KDM5C: variants seen among roughly 807,000 people sequenced by gnomAD.
KDM5C encodes lysine demethylase 5C.
A neutral mutation model predicts 110.6 loss-of-function variants in KDM5C; 16 were observed. The ratio of observed to expected loss-of-function variants is 0.14; its 90% CI spans 0.10 to 0.22. KDM5C has a LOEUF of 0.22. Ranked by LOEUF, KDM5C falls within the 10% of genes least tolerant of loss-of-function variation. The pLI is 1.00. For synonymous variants in KDM5C, 511 were observed against 520.4 expected, an observed-to-expected ratio of 0.98 and a Z score of 0.24; for missense variants, 681 against 1,300.9, an observed-to-expected ratio of 0.52 and a Z score of 7.33.
At chrX:53,218,521 C>T (rs1556853197) in intron 2 of KDM5C, 123 bp from the exon 3 acceptor site, 1 of 823,353 alleles carries the variant, frequency 1.2e-6, no homozygotes, top group Non-Finnish European at 1.8e-6. Context: ...AGGGTTTCTC[C>T]CAATGAACCG....
Position 53,196,841 on chromosome X carries a change from G to A in KDM5C, c.2826C>T (p.Ala942=). Residue 942 remains alanine (A), a synonymous_variant, in exon 19 of 26, where the codon GCC becomes GCT. Transcript: ENST00000375401. ...DEVKRTLAPS[A]RRGTLAVMRG... is the part of the protein sequence containing the mutation. ...GCATGACAGCCAAGGTGCCCCTTCGGGCTGAGGGGGCCAGTGTGCGTTTCA... is the reference window on the plus strand; with the variant it reads ...GCATGACAGCCAAGGTGCCCCTTCGAGCTGAGGGGGCCAGTGTGCGTTTCA... The A allele has an allele frequency of 8.3e-7, 1 of 1,208,904 alleles. No homozygotes were observed. Among genetic ancestry groups the A allele is most frequent in the Non-Finnish European group, 1.1e-6 (1 of 893,742 alleles).
chrX:53,223,941 T>C (rs371751637), intron 1 of KDM5C, among the ~76,000 whole-genome samples: 1 of 112,148 alleles, frequency 8.9e-6, no homozygotes, highest in East Asian at 2.8e-4. Flanking sequence ...GGCCTTGACA[T>C]TGCCTTCAAC....
At chrX:53,217,064 G>C in intron 5 of KDM5C, 79 bp downstream of exon 5, 1 of 1,078,189 alleles carries the variant, frequency 9.3e-7, no homozygotes. Context: ...AATGGAACAG[G>C]GAACACAGCC....
chrX:53,186,695 TGCTGAAGTAGCTA>T (rs782027914), downstream of KDM5C, among the ~76,000 whole-genome samples: 11 of 112,339 alleles, frequency 9.8e-5, no homozygotes, highest in Non-Finnish European at 1.9e-4. Flanking sequence ...ATGCTGGCCC[TGCTGAAGTAGCTA>T]GCTGTAGTGT....
intron 12 of KDM5C, among the ~76,000 whole-genome samples, chrX:53,210,098 T>C (rs1196975875): frequency 8.9e-6 from 1 of 112,485 alleles, no homozygotes; most frequent in Non-Finnish European, 1.9e-5. Flanking sequence ...GGAAATGATG[T>C]GTGCCTTTAA....
chrX:53,210,595 G>T lies in KDM5C; in HGVS notation c.1584-19C>A. 1 of 1,211,802 alleles carries T rather than the reference G, an allele frequency of 8.3e-7. No homozygotes were observed. On this transcript the variant is annotated intron_variant, in intron 11 of 25. Transcript: ENST00000375401. ...CTCACCCCTGCACAAGTGGAAAAGG[G>T]ACACACACAGTAAATCACACCTTGG...
chrX:53,219,117 T>G (rs150258338), intron 2 of KDM5C, among the ~76,000 whole-genome samples: 1,947 of 112,842 alleles, frequency 0.017, 58 homozygotes, highest in African/African-American at 0.059. Flanking sequence ...CCTCTGCTAC[T>G]GATTTGCTAT....
downstream of KDM5C, among the ~76,000 whole-genome samples, chrX:53,188,713 G>GTGA (rs1556829030): frequency 9.0e-6 from 1 of 111,572 alleles, no homozygotes; most frequent in African/African-American, 3.3e-5. Context: ...TATTGCAAAA[G>GTGA]TGATGGGATC....
chrX:53,192,891 A>T lies in KDM5C; in HGVS notation c.*76T>A, dbSNP rs1385476778. Reference sequence around the variant, plus strand: ...CCTACCCGCCCACCCCCCAAGAAGCAGGCTTGATGGTCAGAAAGAGGATCC... The same window carrying T: ...CCTACCCGCCCACCCCCCAAGAAGCTGGCTTGATGGTCAGAAAGAGGATCC... On this transcript the variant is annotated 3_prime_UTR_variant, in exon 26 of 26. Transcript: ENST00000375401. 1 of 708,904 alleles carries T rather than the reference A, an allele frequency of 1.4e-6. No individual in the cohort carries two copies. The highest frequency in any genetic ancestry group is 1.9e-6 in the Non-Finnish European group (1 of 535,306). The allele number at this position is 708,904 out of a possible 1,213,427, so 58.4% of individuals were successfully genotyped here.
Position 53,185,592 on chromosome X carries a change from T to C in KDM5C, c.4308+7845A>G, listed in dbSNP as rs141166107. Among the ~76,000 whole-genome samples the C allele has an allele frequency of 3.0e-3, 338 of 111,822 alleles. 3 individuals are homozygous for C. The highest frequency in any genetic ancestry group is 0.01 in the African/African-American group (320 of 30,746). ...TGCAGGTGAGGGTCATGGTGAGAAA[T>C]CATGAATGGGCTCCCTGATTTCAAT... On this transcript the variant is annotated intron_variant, in intron 25 of 25. Transcript: ENST00000685641.
At chrX:53,213,481 G>A (rs923017301) in intron 8 of KDM5C, among the ~76,000 whole-genome samples, 4 of 111,889 alleles carry the variant, frequency 3.6e-5, no homozygotes, top group Non-Finnish European at 7.5e-5. Context: ...GGTAAGTACC[G>A]AGAATTTGGG....
At chrX:53,203,301 A>T (rs1379849536) in intron 12 of KDM5C, among the ~76,000 whole-genome samples, 1 of 111,252 alleles carries the variant, frequency 9.0e-6, no homozygotes, top group Non-Finnish European at 1.9e-5. Context: ...TGACATGGAA[A>T]TTTACAGGAT....
intron 1 of KDM5C, 141 bp downstream of exon 1, chrX:53,224,599 T>C: frequency 1.3e-6 from 1 of 780,526 alleles, no homozygotes; most frequent in Non-Finnish European, 1.9e-6. Context: ...AACACCCTTT[T>C]TCCGATCCGC....
chrX:53,185,131 G>T (rs782766983), intron 25 of KDM5C, among the ~76,000 whole-genome samples: 1 of 112,248 alleles, frequency 8.9e-6, no homozygotes, highest in South Asian at 3.7e-4. Flanking sequence ...TAGCTAAGTG[G>T]TCATTAAACT....
chrX:53,215,297 C>T, intron 7 of KDM5C: 1 of 319,767 alleles, frequency 3.1e-6, no homozygotes, highest in Non-Finnish European at 5.9e-6. Flanking sequence ...CTGGCTGAAA[C>T]CTGAAGGCAA....
chrX:53,198,026 G>T, intron 17 of KDM5C, 150 bp from the exon 18 acceptor site: 2 of 500,959 alleles, frequency 4.0e-6, no homozygotes, highest in Non-Finnish European at 7.1e-6. Context: ...TAGAGGGAAG[G>T]TTTTAAATTA....
Position 53,210,434 on chromosome X carries a change from G to A in KDM5C, c.1726C>T (p.Leu576Phe). 8.2e-7 allele frequency: 1 copy of A among 1,212,198 alleles called. No individual in the cohort carries two copies. The highest frequency in any genetic ancestry group is 1.1e-6 in the Non-Finnish European group (1 of 895,598). Residue 576 changes from leucine to phenylalanine, a missense_variant, in exon 12 of 26, where the codon CTC (leucine) becomes TTC (phenylalanine). This residue lies in a region of KDM5C where 41 missense variants were observed against 205.9 expected (regional missense o/e 0.20). Coordinates refer to ENST00000375401, the MANE Select transcript of KDM5C (RefSeq NM_004187.5). ...CTCACTGGCACACCATGGGACATGAGGGTGTTGGGATTCATGAGGGTGACA... is the reference window on the plus strand; with the variant it reads ...CTCACTGGCACACCATGGGACATGAAGGTGTTGGGATTCATGAGGGTGACA... ...QLVTLMNPNT[L>F]MSHGVPVVRT...
chrX:53,207,525 T>C (rs995298011), intron 12 of KDM5C, among the ~76,000 whole-genome samples: 15 of 112,135 alleles, frequency 1.3e-4, no homozygotes, highest in African/African-American at 4.9e-4. Context: ...ACACTAATTA[T>C]TGCTATGTCA....
chrX:53,186,343 A>G (rs1934217259), downstream of KDM5C, among the ~76,000 whole-genome samples: 1 of 111,915 alleles, frequency 8.9e-6, no homozygotes, highest in African/African-American at 3.2e-5. Context: ...AGAGAAAAAT[A>G]AAAATGGAAA....
Sources: gnomAD v4.1 joint callset for allele counts (sites outside exome capture counted in the v4.1 genomes callset) on GRCh38, gnomAD v4.1.1 for gene constraint, gnomAD v4.1.1 regional missense constraint, MANE v1.5 for transcripts, NCBI Gene and HGNC (gene_info 2026-07-23, HGNC 2026-07-21) for gene names.